The following HDHD5 variants were observed in gnomAD, a reference collection of about 807,000 sequenced individuals.
HDHD5 encodes haloacid dehalogenase-like hydrolase domain-containing 5.
Under a neutral mutation model 35.5 loss-of-function variants are expected in HDHD5, and 34 were observed. The observed-to-expected ratio is 0.96, with a 90% CI of 0.73 to 1.28. The LOEUF (loss-of-function observed/expected upper bound fraction) is 1.28. Among genes scored for constraint, HDHD5 ranks in the 50% most tolerant of loss-of-function variants. The pLI, the probability that HDHD5 is intolerant of heterozygous loss-of-function variation, is 0.00. For missense variants in HDHD5, 589 were observed against 560.2 expected (o/e 1.05, Z -0.52); for synonymous variants, 248 against 240.6 (o/e 1.03, Z -0.29).
At chr22:17,140,597 AAAAC>A (rs2061588871) in intron 6 of HDHD5, among the ~76,000 whole-genome samples, 1 of 152,190 alleles carries the variant, frequency 6.6e-6, no homozygotes, top group South Asian at 2.1e-4. Context: ...CAAAAAAAAC[AAAAC>A]AAACAAAAAA....
At chr22:17,158,978 G>C in intron 1 of HDHD5, 148 bp downstream of exon 1, 2 of 713,198 alleles carry the variant, frequency 2.8e-6, no homozygotes, top group South Asian at 1.4e-4. Context: ...CCTCCAGCAA[G>C]AACGCGATGC....
chr22:17,152,066 T>C (rs746089666), intron 1 of HDHD5, among the ~76,000 whole-genome samples: 7 of 151,964 alleles, frequency 4.6e-5, no homozygotes, highest in Non-Finnish European at 8.8e-5. Flanking sequence ...AGAAGACAAT[T>C]AGACAGGCAG....
intron 3 of HDHD5, among the ~76,000 whole-genome samples, 155 bp downstream of exon 3, chr22:17,148,293 C>T (rs1291036711): frequency 1.3e-5 from 2 of 152,134 alleles, no homozygotes; most frequent in Non-Finnish European, 2.9e-5. Context: ...TGAGGACTGA[C>T]CACAGTCGGG....
chr22:17,158,131 G>C (rs1284442078), intron 1 of HDHD5, among the ~76,000 whole-genome samples: 1 of 152,146 alleles, frequency 6.6e-6, no homozygotes, highest in Non-Finnish European at 1.5e-5. Flanking sequence ...GACCAGCCTG[G>C]CCAACATGGT....
intron 4 of HDHD5, chr22:17,143,348 A>AAGT: frequency 2.0e-6 from 1 of 491,678 alleles, no homozygotes; most frequent in South Asian, 3.2e-5. Context: ...AACAGGCAGG[A>AAGT]CACCATGGGT....
At chr22:17,143,218 G>A (rs1429804743) in intron 4 of HDHD5, 87 bp from the exon 5 acceptor site, 1 of 1,460,622 alleles carries the variant, frequency 6.8e-7, no homozygotes, top group South Asian at 1.2e-5. Flanking sequence ...TGCTGGGAGG[G>A]GAGGGGAGAC....
rs541371820 is a variant in HDHD5, at chr22:17,156,197, A to T, written c.126+2929T>A. On this transcript the variant is annotated intron_variant, in intron 1 of 7. Transcript: ENST00000336737. Reference sequence around the variant, plus strand: ...CCATGCATATGACTGCCCCCTAAAGACCTTCTAATGGGACATGGTGTGAAG... The same window carrying T: ...CCATGCATATGACTGCCCCCTAAAGTCCTTCTAATGGGACATGGTGTGAAG... 3.3e-5 allele frequency among the ~76,000 whole-genome samples: 5 copies of T among 152,248 alleles called. No individual in the cohort carries two copies. In the East Asian group the frequency reaches 9.6e-4, roughly 29 times the overall value.
chr22:17,156,988 G>A (rs5748916), intron 1 of HDHD5, among the ~76,000 whole-genome samples: 57,157 of 150,902 alleles, frequency 0.38, 11,312 homozygotes, highest in East Asian at 0.62. Context: ...TGAGGCAGGC[G>A]AATCACTTGA....
At chr22:17,157,469 A>G (rs891608891) in intron 1 of HDHD5, among the ~76,000 whole-genome samples, 2 of 152,106 alleles carry the variant, frequency 1.3e-5, no homozygotes, top group African/African-American at 4.8e-5. Context: ...AATTGCCTTA[A>G]GTGAAGCCGC....
rs769568381 is a variant in HDHD5, at chr22:17,159,178, G to A, written c.74C>T (p.Ala25Val). Reference protein sequence around the residue: ...GLCWRAARAAAGLQGRPARRC... With the variant: ...GLCWRAARAAVGLQGRPARRC... ...GCGGGCGGGGCGGCCCTGGAGCCCC[G>A]CAGCCGCGCGCGCCGCCCGCCAGCA... Residue 25 changes from alanine to valine, a missense_variant, in exon 1 of 8, where the codon GCG (alanine) becomes GTG (valine). Physicochemically the swap from Ala to Val is moderately conservative, Grantham distance 64. Coordinates refer to ENST00000336737, the MANE Select transcript of HDHD5 (RefSeq NM_033070.3). 2 of 1,214,372 alleles carry A rather than the reference G, an allele frequency of 1.6e-6. No homozygotes were observed. Among genetic ancestry groups the A allele is most frequent in the Non-Finnish European group, 2.0e-6 (2 of 975,616 alleles). The allele number at this position is 1,214,372 out of a possible 1,614,324, so 75.2% of individuals were successfully genotyped here.
rs200576728 is a variant in HDHD5, at chr22:17,143,151, A to G, written c.538-20T>C. On this transcript the variant is annotated intron_variant, in intron 4 of 7. Transcript: ENST00000336737. The stretch of plus-strand genomic sequence containing the variant: ...GAGGGGCTGCAGAGAGACAAAGGAG[A>G]GGCTATCAACACAAGTCGCCTTCCA... 2.5e-6 allele frequency: 4 copies of G among 1,606,598 alleles called. No individual in the cohort carries two copies. The highest frequency in any genetic ancestry group is 2.3e-5 in the East Asian group (1 of 44,424).
At chr22:17,139,842 T>C (rs2061580088) in intron 6 of HDHD5, among the ~76,000 whole-genome samples, 1 of 152,216 alleles carries the variant, frequency 6.6e-6, no homozygotes, top group Non-Finnish European at 1.5e-5. Context: ...AGTGTTGGGA[T>C]TACAAGCATG....
upstream of HDHD5, among the ~76,000 whole-genome samples, chr22:17,163,808 C>T (rs1224357831): frequency 6.6e-6 from 1 of 152,194 alleles, no homozygotes; most frequent in East Asian, 1.9e-4. Context: ...CGGCCTCACA[C>T]GTGTACAAGC....
intron 1 of HDHD5, among the ~76,000 whole-genome samples, chr22:17,153,487 T>A (rs1012587501): frequency 6.6e-6 from 1 of 152,144 alleles, no homozygotes; most frequent in African/African-American, 2.4e-5. Flanking sequence ...AATACACTCA[T>A]GTACCCTCAA....
In HDHD5 at chr22:17,141,118, G is replaced by C. The variant is rs1217881325; in HGVS notation, c.687C>G (p.His229Gln). Reference protein sequence around the residue: ...GAGLATPPYPHLPVLASNMDL... With the variant: ...GAGLATPPYPQLPVLASNMDL... The stretch of plus-strand genomic sequence containing the variant: ...CCATGTTGCTGGCTAGGACGGGGAG[G>C]TGGGGGTAGGGGGGTGTTGCCAGGC... Residue 229 changes from histidine (H) to glutamine (Q), a missense_variant, in exon 6 of 8, where the codon CAC becomes CAG. Transcript: ENST00000336737. 6.3e-7 allele frequency: 1 copy of C among 1,595,802 alleles called. No homozygotes were observed. The highest frequency in any genetic ancestry group is 1.4e-5 in the African/African-American group (1 of 73,614).
chr22:17,159,544 G>A (rs2061846641), upstream of HDHD5: 1 of 452,716 alleles, frequency 2.2e-6, no homozygotes, highest in African/African-American at 2.0e-5. Flanking sequence ...CTGTGCCTGC[G>A]GATCCCGGTA....
intron 4 of HDHD5, among the ~76,000 whole-genome samples, chr22:17,144,694 G>A (rs2061639932): frequency 6.6e-6 from 1 of 152,066 alleles, no homozygotes; most frequent in Admixed American, 6.5e-5. Context: ...AATTACAGGT[G>A]TGACCCACCA....
chr22:17,148,404 G>A (rs764867910), intron 3 of HDHD5, 44 bp downstream of exon 3: 1 of 1,504,126 alleles, frequency 6.6e-7, no homozygotes, highest in Non-Finnish European at 9.3e-7. Context: ...AAACACCTCA[G>A]CCCTGCCCCT....
At chr22:17,150,557 C>T (rs866701827) in intron 1 of HDHD5, among the ~76,000 whole-genome samples, 1 of 145,180 alleles carries the variant, frequency 6.9e-6, no homozygotes, top group Non-Finnish European at 1.5e-5. Context: ...CTTGCTCTGT[C>T]GCCGAGACTG....
Sources: allele counts gnomAD v4.1 joint callset (sites outside exome capture counted in the v4.1 genomes callset), GRCh38; gene constraint gnomAD v4.1.1; transcripts MANE v1.5; gene names NCBI Gene and HGNC (gene_info 2026-07-23, HGNC 2026-07-21).